The following ATR variants were observed in gnomAD, a reference collection of about 807,000 sequenced individuals.
The protein encoded by ATR is serine/threonine-protein kinase ATR.
In ATR, 142 loss-of-function variants were observed where a neutral mutation model predicts 305.3. That is an observed-to-expected ratio of 0.47 (90% confidence interval 0.41 to 0.53). The LOEUF is 0.53. Among genes scored for constraint, ATR ranks in the 20% least tolerant of loss-of-function variants. The probability of loss-of-function intolerance (pLI) is 0.00; values close to 1 mark genes in which losing one functional copy is unlikely to be tolerated. For missense variants in ATR, 2,135 were observed against 3,133.1 expected (o/e 0.68, Z 7.60); for synonymous variants, 1,050 against 1,068.1 (o/e 0.98, Z 0.33).
At chr3:142,566,027 A>T in intron 3 of ATR, 94 bp downstream of exon 3, 1 of 1,551,326 alleles carries the variant, frequency 6.4e-7, no homozygotes, top group African/African-American at 1.4e-5. Flanking sequence ...GACCCAAAAA[A>T]GTATAATCCT....
At chr3:142,473,495 A>G (rs997177827) in intron 36 of ATR, among the ~76,000 whole-genome samples, 2 of 151,072 alleles carry the variant, frequency 1.3e-5, no homozygotes, top group East Asian at 3.9e-4. Flanking sequence ...TGATTATTAT[A>G]GCTTTGTGGT....
At chr3:142,477,728 T>C (rs1050219474) in intron 36 of ATR, among the ~76,000 whole-genome samples, 7 of 152,140 alleles carry the variant, frequency 4.6e-5, no homozygotes, top group Non-Finnish European at 7.4e-5. Context: ...GTCCTGGACT[T>C]TTTTTGGTTG....
intron 31 of ATR, chr3:142,499,332 T>C (rs949281814): frequency 1.5e-5 from 5 of 330,508 alleles, no homozygotes; most frequent in Non-Finnish European, 2.9e-5. Context: ...TCTCACTCTG[T>C]CACCCAGGCT....
chr3:142,512,121 A>G (rs2108369889), intron 27 of ATR, 139 bp downstream of exon 27: 2 of 772,504 alleles, frequency 2.6e-6, no homozygotes, highest in South Asian at 3.7e-5. Flanking sequence ...TCCATCTCCA[A>G]ACAACAACAA....
intron 22 of ATR, among the ~76,000 whole-genome samples, chr3:142,523,478 A>G (rs767927372): frequency 5.3e-5 from 8 of 152,170 alleles, no homozygotes; most frequent in Non-Finnish European, 8.8e-5. Flanking sequence ...AGAGCCCAAG[A>G]GTCATCTGAG....
Position 142,466,464 on chromosome 3 carries a change from C to T in ATR, c.6757G>A (p.Ala2253Thr), listed in dbSNP as rs2071133797. ...GGAATGAGGATTTCACTAAATGTTG[C>T]TTCTTCTACCAGCTTTTTAAGCATT... ...FKMLKKLVEEATFSEILIPLQ... is the reference protein window; with the variant it reads ...FKMLKKLVEETTFSEILIPLQ... Residue 2253 changes from alanine (A) to threonine (T), a missense_variant, in exon 40 of 47, where the codon GCA becomes ACA. Physicochemically the swap from Ala to Thr is moderately conservative, Grantham distance 58 (BLOSUM62 0). Transcript: ENST00000350721. The T allele has an allele frequency of 5.0e-6, 8 of 1,613,750 alleles. No homozygotes were observed. Among genetic ancestry groups the T allele is most frequent in the East Asian group, 2.2e-5 (1 of 44,854 alleles).
rs2034673069 is a variant in ATR at position 142,556,372 on chromosome 3, T to C, written c.2078+11A>G. 1 of 1,607,466 alleles carries C rather than the reference T, an allele frequency of 6.2e-7. No homozygotes were observed. The highest frequency in any genetic ancestry group is 8.5e-7 in the Non-Finnish European group (1 of 1,173,936). On this transcript the variant is annotated intron_variant, in intron 9 of 46. Coordinates refer to ENST00000350721, the MANE Select transcript of ATR (RefSeq NM_001184.4). ...AGAGTGATATATTCAAATTAAAATCTTAGTACATACATAAGAATCTTGGGA... is the reference window on the plus strand; with the variant it reads ...AGAGTGATATATTCAAATTAAAATCCTAGTACATACATAAGAATCTTGGGA...
In ATR at chr3:142,545,789, A is replaced by C. The variant is rs537389999; in HGVS notation, c.3357+1936T>G. Reference sequence around the variant, plus strand: ...TTTGCTCATTAATTATAAAAGGATAAAGGAAATGGAGGGCTCACGAATGCT... The same window carrying C: ...TTTGCTCATTAATTATAAAAGGATACAGGAAATGGAGGGCTCACGAATGCT... On this transcript the variant is annotated intron_variant, in intron 16 of 46. Coordinates refer to ENST00000350721, the MANE Select transcript of ATR (RefSeq NM_001184.4). Among the ~76,000 whole-genome samples the C allele has an allele frequency of 3.3e-5, 5 of 152,254 alleles. No individual in the cohort carries two copies. The South Asian group carries it at 1.0e-3, about 32-fold the overall frequency.
intron 36 of ATR, among the ~76,000 whole-genome samples, chr3:142,475,610 C>T (rs570975249): frequency 6.6e-6 from 1 of 152,160 alleles, no homozygotes; most frequent in African/African-American, 2.4e-5. Flanking sequence ...TGGGTATATA[C>T]CCAGTAATGG....
chr3:142,478,776 T>C (rs2030155211), intron 36 of ATR, among the ~76,000 whole-genome samples: 1 of 152,190 alleles, frequency 6.6e-6, no homozygotes, highest in African/African-American at 2.4e-5. Flanking sequence ...GGTGCTCCTG[T>C]ATTGGGTGCA....
At chr3:142,542,635 T>A in intron 17 of ATR, 30 bp downstream of exon 17, 2 of 1,544,050 alleles carry the variant, frequency 1.3e-6, no homozygotes, top group African/African-American at 1.4e-5. Flanking sequence ...ATGAATTCTA[T>A]CTTAGCACTC....
At chr3:142,483,946 A>G (rs2030727070) in intron 36 of ATR, among the ~76,000 whole-genome samples, 1 of 152,112 alleles carries the variant, frequency 6.6e-6, no homozygotes, top group Admixed American at 6.5e-5. Context: ...GACTCAGGGG[A>G]TGAGGGTCTG....
intron 42 of ATR, among the ~76,000 whole-genome samples, chr3:142,460,885 G>T (rs2071010413): frequency 6.6e-6 from 1 of 152,012 alleles, no homozygotes; most frequent in African/African-American, 2.4e-5. Flanking sequence ...TTCATATCTT[G>T]CGTAACAATA....
rs765977826 is a variant in ATR at position 142,469,417 on chromosome 3, C to A, written c.6472G>T (p.Val2158Phe). ...RICHSHDEVF[V>F]VLMEIIAKVF... ...TTGGCTATTATTTCCATCAAGACAACAAAAACTTCATCGTGAGAATGACAA... is the reference window on the plus strand; with the variant it reads ...TTGGCTATTATTTCCATCAAGACAAAAAAAACTTCATCGTGAGAATGACAA... The change falls in exon 38 of 47, where the codon GTT becomes TTT. Residue 2158 changes from valine to phenylalanine, a missense_variant. Transcript: ENST00000350721. 1.1e-5 allele frequency: 17 copies of A among 1,613,786 alleles called. No individual in the cohort carries two copies. The highest frequency in any genetic ancestry group is 1.7e-5 in the Admixed American group (1 of 59,964).
rs2071097632 is a variant in ATR at position 142,465,090 on chromosome 3, T to A, written c.7041+7A>T. ...ATAAATAAAATAAAAGCAAACTATC[T>A]CCCAACCTTATTAATCAAGGAATTG... On this transcript the variant is annotated splice_region_variant and intron_variant, in intron 41 of 46. Transcript: ENST00000350721. 5 of 1,496,960 alleles carry A rather than the reference T, an allele frequency of 3.3e-6. No individual in the cohort carries two copies. In the African/African-American group the frequency reaches 4.2e-5, roughly 13 times the overall value. 92.7% of individuals were successfully genotyped at this position (1,496,960 alleles called of 1,614,324 possible). A position where few individuals can be genotyped will look rare whatever the true frequency, so the allele number is the denominator to read the frequency against.
chr3:142,482,040 G>T (rs2030538166), intron 36 of ATR, among the ~76,000 whole-genome samples: 1 of 151,230 alleles, frequency 6.6e-6, no homozygotes, highest in South Asian at 2.1e-4. Context: ...TGCTCTGGCT[G>T]GTTTTGAACT....
chr3:142,538,578 G>C lies in ATR; in HGVS notation c.3629C>G (p.Ser1210Cys), dbSNP rs764664423. Residue 1210 changes from serine (S) to cysteine (C), a missense_variant, in exon 19 of 47, where the codon TCC (serine) becomes TGC (cysteine). Ser to Cys is a moderately radical substitution (Grantham distance 112, BLOSUM62 -1). Around this residue, in one of 9 missense-constraint regions of ATR, gnomAD observed 530 missense variants for 766.8 expected, o/e 0.69. Transcript: ENST00000350721. ...AGCTACTATTACATGACTGAGAAGG[G>C]AGCCCAGACAAGCATGATCCAGGCA... ...VRCLDHACLG[S>C]LLSHVIVALL... is the part of the protein sequence containing the mutation. 6.2e-6 allele frequency: 10 copies of C among 1,613,424 alleles called. No individual in the cohort carries two copies. The highest frequency in any genetic ancestry group is 8.5e-6 in the Non-Finnish European group (10 of 1,179,650).
At chr3:142,451,794 C>T in intron 46 of ATR, 1 of 1,225,410 alleles carries the variant, frequency 8.2e-7, no homozygotes, top group Non-Finnish European at 1.0e-6. Context: ...TGGCTTTGTC[C>T]AGTTAGATAT....
chr3:142,541,102 G>A, intron 17 of ATR, 68 bp from the exon 18 acceptor site: 1 of 1,568,550 alleles, frequency 6.4e-7, no homozygotes, highest in South Asian at 1.1e-5. Context: ...TGAGCCCTAA[G>A]GACAAGTGCT....
Sources: gnomAD v4.1 joint callset for allele counts (sites outside exome capture counted in the v4.1 genomes callset) on GRCh38, gnomAD v4.1.1 for gene constraint, gnomAD v4.1.1 regional missense constraint, MANE v1.5 for transcripts, NCBI Gene and HGNC (gene_info 2026-07-23, HGNC 2026-07-21) for gene names.